Variants in SGMS1 observed in about 807,000 individuals in gnomAD.
SGMS1 encodes the protein phosphatidylcholine:ceramide cholinephosphotransferase 1.
In SGMS1, 13 loss-of-function variants were observed where a neutral mutation model predicts 46.2. The ratio of observed to expected loss-of-function variants is 0.28; its 90% confidence interval spans 0.18 to 0.45. SGMS1 has a LOEUF of 0.45. Ranked by LOEUF, SGMS1 falls within the 20% of genes least tolerant of loss-of-function variation. SGMS1 has a pLI of 1.00. For missense variants in SGMS1, 324 were observed against 519.9 expected, an observed-to-expected ratio of 0.62 and a Z score of 3.66; for synonymous variants, 203 against 187.8, an observed-to-expected ratio of 1.08 and a Z score of -0.66.
chr10:50,373,694 A>G (rs942388008), intron 6 of SGMS1, among the ~76,000 whole-genome samples: 5 of 152,250 alleles, frequency 3.3e-5, no homozygotes, highest in African/African-American at 1.2e-4. Flanking sequence ...AAAATGACTA[A>G]GAGCGGCAAT....
intron 7 of SGMS1, chr10:50,342,641 C>G (rs1189314094): frequency 1.3e-5 from 2 of 152,194 alleles, no homozygotes; most frequent in Non-Finnish European, 2.9e-5. Flanking sequence ...TCATGAAACA[C>G]ACTCCACTGG....
intron 2 of SGMS1, among the ~76,000 whole-genome samples, chr10:50,541,687 CT>C: frequency 6.6e-6 from 1 of 152,162 alleles, no homozygotes; most frequent in East Asian, 1.9e-4. Context: ...ATGCTGGCCC[CT>C]GGCTGAGCCA....
At chr10:50,511,892 T>A (rs1447675750) in intron 3 of SGMS1, among the ~76,000 whole-genome samples, 8 of 152,208 alleles carry the variant, frequency 5.3e-5, no homozygotes, top group African/African-American at 9.6e-5. Context: ...CTAATGCTAT[T>A]TGTCCCATGT....
chr10:50,585,626 G>A (rs1838476406), intron 2 of SGMS1, among the ~76,000 whole-genome samples: 1 of 152,056 alleles, frequency 6.6e-6, no homozygotes, highest in Non-Finnish European at 1.5e-5. Flanking sequence ...AGCTGACAGG[G>A]GATGCCCCTA....
intron 3 of SGMS1, among the ~76,000 whole-genome samples, chr10:50,502,656 T>C (rs1223097391): frequency 1.3e-5 from 2 of 152,134 alleles, no homozygotes; most frequent in East Asian, 3.8e-4. Flanking sequence ...CACAGGAAAA[T>C]ATTAGGGAAA....
At chr10:50,318,667 G>C (rs1164242779) in intron 8 of SGMS1, among the ~76,000 whole-genome samples, 1 of 152,032 alleles carries the variant, frequency 6.6e-6, no homozygotes, top group African/African-American at 2.4e-5. Flanking sequence ...GGAAAGATGT[G>C]GTTTTTACTC....
chr10:50,391,940 C>T (rs1848775067), intron 6 of SGMS1, among the ~76,000 whole-genome samples: 1 of 150,878 alleles, frequency 6.6e-6, no homozygotes, highest in South Asian at 2.1e-4. Flanking sequence ...AGCAGAAAAC[C>T]AAATAGTGCA....
chr10:50,442,958 A>G (rs993152118), intron 5 of SGMS1, among the ~76,000 whole-genome samples: 1 of 152,198 alleles, frequency 6.6e-6, no homozygotes, highest in African/African-American at 2.4e-5. Context: ...TTTAATGCAG[A>G]TAATTTGAGC....
chr10:50,624,766 A>C, upstream of SGMS1: 2 of 985,426 alleles, frequency 2.0e-6, no homozygotes, highest in Non-Finnish European at 2.4e-6. Context: ...TAGGATGGAC[A>C]GCGGGGAGAG....
intron 6 of SGMS1, among the ~76,000 whole-genome samples, chr10:50,351,350 A>G (rs1848008887): frequency 6.6e-6 from 1 of 152,146 alleles, no homozygotes; most frequent in South Asian, 2.1e-4. Context: ...CAGACTTTGG[A>G]CTGTGGACTT....
At chr10:50,615,101 T>C (rs1838784438) in intron 1 of SGMS1, among the ~76,000 whole-genome samples, 1 of 152,186 alleles carries the variant, frequency 6.6e-6, no homozygotes, top group African/African-American at 2.4e-5. Context: ...GAGCCCTGAG[T>C]GAGGACATCC....
intron 2 of SGMS1, among the ~76,000 whole-genome samples, chr10:50,577,088 G>T (rs1838391856): frequency 6.6e-6 from 1 of 152,156 alleles, no homozygotes; most frequent in Non-Finnish European, 1.5e-5. Flanking sequence ...AGTTTCTTTG[G>T]CTGGCCCTCA....
chr10:50,359,758 C>T (rs955067691), intron 6 of SGMS1, among the ~76,000 whole-genome samples: 2 of 151,492 alleles, frequency 1.3e-5, no homozygotes, highest in African/African-American at 4.9e-5. Flanking sequence ...CAACAGAATA[C>T]CAAGCCTCTG....
At chr10:50,598,244 G>A (rs1321436785) in intron 1 of SGMS1, among the ~76,000 whole-genome samples, 1 of 152,016 alleles carries the variant, frequency 6.6e-6, no homozygotes, top group Non-Finnish European at 1.5e-5. Flanking sequence ...CTCTCTGGAT[G>A]TGAGGATACA....
chr10:50,570,767 T>C (rs1027808278), intron 2 of SGMS1, among the ~76,000 whole-genome samples: 2 of 152,132 alleles, frequency 1.3e-5, no homozygotes, highest in African/African-American at 4.8e-5. Context: ...ATCCTATTTC[T>C]ACAAAAACTT....
At chr10:50,437,519 G>A (rs1849490622) in intron 5 of SGMS1, among the ~76,000 whole-genome samples, 1 of 152,162 alleles carries the variant, frequency 6.6e-6, no homozygotes, top group African/African-American at 2.4e-5. Flanking sequence ...ACTACACTGT[G>A]TCCCTGGCAA....
chr10:50,344,563 A>AT (rs1491384046), intron 6 of SGMS1, among the ~76,000 whole-genome samples: 3 of 152,190 alleles, frequency 2.0e-5, no homozygotes, highest in Non-Finnish European at 4.4e-5. Flanking sequence ...CAAAGGAGAC[A>AT]TATTTTATAG....
intron 3 of SGMS1, among the ~76,000 whole-genome samples, chr10:50,498,394 T>C (rs1373881932): frequency 6.6e-6 from 1 of 152,190 alleles, no homozygotes; most frequent in African/African-American, 2.4e-5. Context: ...TACATTCACA[T>C]TGTTGTGTAA....
At chr10:50,574,960 G>GATATATATATATATATATATATAT (rs1564435528) in intron 2 of SGMS1, among the ~76,000 whole-genome samples, 1 of 42,172 alleles carries the variant, frequency 2.4e-5, no homozygotes, top group Non-Finnish European at 4.5e-5. Context: ...AGGAAAATGT[G>GATATATATATATATATATATATAT]GTGTATATAT....
Sources: allele counts gnomAD v4.1 joint callset (sites outside exome capture counted in the v4.1 genomes callset), GRCh38; gene constraint gnomAD v4.1.1; transcripts MANE v1.5; gene names NCBI Gene and HGNC (gene_info 2026-07-23, HGNC 2026-07-21).